Variants in FER observed in about 807,000 individuals in gnomAD.
FER encodes the protein tyrosine-protein kinase Fer.
Under a neutral mutation model 111.0 loss-of-function variants are expected in FER, and 63 were observed. That is an observed-to-expected ratio of 0.57 (90% CI 0.46 to 0.70). The LOEUF (loss-of-function observed/expected upper bound fraction) is 0.70, where lower values mean the gene tolerates loss of function less well. Ranked by LOEUF, FER falls within the 30% of genes least tolerant of loss-of-function variation. The pLI is 0.00. For synonymous variants in FER, 327 were observed against 313.9 expected, an observed-to-expected ratio of 1.04 and a Z score of -0.44; for missense variants, 914 against 954.0, an observed-to-expected ratio of 0.96 and a Z score of 0.55.
chr5:109,087,565 ATATTTACCTC>A (rs1318389574), intron 16 of FER, among the ~76,000 whole-genome samples: 1 of 151,264 alleles, frequency 6.6e-6, no homozygotes, highest in African/African-American at 2.4e-5. Flanking sequence ...CTATCATTTT[ATATTTACCTC>A]TGCTTGTGTG....
chr5:108,957,002 G>T (rs2149661298), intron 12 of FER, among the ~76,000 whole-genome samples: 1 of 151,646 alleles, frequency 6.6e-6, no homozygotes, highest in Non-Finnish European at 1.5e-5. Flanking sequence ...AGTAATACAA[G>T]ATTTTAGAGG....
At chr5:108,857,926 A>G (rs1182254395) in intron 5 of FER, among the ~76,000 whole-genome samples, 1 of 152,084 alleles carries the variant, frequency 6.6e-6, no homozygotes, top group Non-Finnish European at 1.5e-5. Context: ...CTCATCTTAT[A>G]CTTTTCCTAC....
At chr5:108,834,807 T>G (rs887006845) in intron 4 of FER, among the ~76,000 whole-genome samples, 1 of 152,170 alleles carries the variant, frequency 6.6e-6, no homozygotes, top group African/African-American at 2.4e-5. Flanking sequence ...TCATTTATAT[T>G]TATATTTTTT....
chr5:109,075,898 C>A (rs1431897674), intron 16 of FER, among the ~76,000 whole-genome samples: 2 of 151,922 alleles, frequency 1.3e-5, no homozygotes, highest in Non-Finnish European at 2.9e-5. Flanking sequence ...CTGGGATTCT[C>A]CACATAGGAG....
At chr5:109,100,642 T>C in intron 17 of FER, 123 bp downstream of exon 17, 1 of 1,049,794 alleles carries the variant, frequency 9.5e-7, no homozygotes, top group East Asian at 2.5e-5. Context: ...TTTCTGTATT[T>C]TGTGTGAAAG....
At chr5:109,069,350 A>G (rs1775500124) in intron 16 of FER, among the ~76,000 whole-genome samples, 1 of 152,218 alleles carries the variant, frequency 6.6e-6, no homozygotes, top group Non-Finnish European at 1.5e-5. Context: ...AGATAGGCAA[A>G]TCAAAGTTAG....
intron 3 of FER, among the ~76,000 whole-genome samples, chr5:108,811,679 T>G (rs1168113460): frequency 6.6e-6 from 1 of 152,204 alleles, no homozygotes; most frequent in Admixed American, 6.5e-5. Context: ...CACGATATGC[T>G]GTCTGCAAGC....
intron 17 of FER, 136 bp from the exon 18 acceptor site, chr5:109,180,611 C>T (rs1248210232): frequency 6.4e-6 from 6 of 934,170 alleles, no homozygotes; most frequent in Non-Finnish European, 9.4e-6. Flanking sequence ...AAGATGAGGA[C>T]TGGTAAATCA....
chr5:109,029,786 T>C (rs1385964653), intron 13 of FER, among the ~76,000 whole-genome samples: 1 of 152,216 alleles, frequency 6.6e-6, no homozygotes, highest in Non-Finnish European at 1.5e-5. Flanking sequence ...AGTTTGATTA[T>C]GATGAATCTT....
At chr5:109,047,016 G>A (rs935552058) in intron 15 of FER, 88 bp from the exon 16 acceptor site, 1 of 638,138 alleles carries the variant, frequency 1.6e-6, no homozygotes, top group Non-Finnish European at 2.6e-6. Context: ...TGATTCAAGA[G>A]TATTCTAGTT....
At chr5:109,162,840 G>T (rs1756131506) in intron 17 of FER, among the ~76,000 whole-genome samples, 2 of 151,766 alleles carry the variant, frequency 1.3e-5, no homozygotes, top group Non-Finnish European at 2.9e-5. Context: ...ATCTTAAGGT[G>T]CCTATTTTTT....
intron 17 of FER, among the ~76,000 whole-genome samples, chr5:109,158,637 A>G (rs1441008658): frequency 6.6e-6 from 1 of 152,170 alleles, no homozygotes; most frequent in African/African-American, 2.4e-5. Flanking sequence ...TAGTGGCTCA[A>G]CATTGCCTTC....
intron 13 of FER, among the ~76,000 whole-genome samples, chr5:109,033,227 T>G (rs1180397988): frequency 6.6e-6 from 1 of 152,194 alleles, no homozygotes; most frequent in East Asian, 1.9e-4. Flanking sequence ...TTTTCTGTTT[T>G]TTCTCTATAT....
intron 2 of FER, among the ~76,000 whole-genome samples, chr5:108,769,100 T>TA (rs1205559216): frequency 6.6e-6 from 1 of 152,180 alleles, no homozygotes; most frequent in African/African-American, 2.4e-5. Context: ...GTGCTGGGAT[T>TA]ACAGGCGTGA....
intron 3 of FER, among the ~76,000 whole-genome samples, chr5:108,805,964 A>C (rs1479857874): frequency 2.0e-5 from 3 of 152,172 alleles, no homozygotes; most frequent in Admixed American, 6.5e-5. Flanking sequence ...CACCAAGACA[A>C]TGGCAAAAAT....
In FER at chr5:108,817,356, A is replaced by G. The variant is rs573880142; in HGVS notation, c.208-15414A>G. Among the ~76,000 whole-genome samples the G allele has an allele frequency of 9.9e-4, 150 of 152,196 alleles. 1 individual carries two copies. Among genetic ancestry groups the G allele is most frequent in the Admixed American group, 2.2e-3 (34 of 15,280 alleles). On this transcript the variant is annotated intron_variant, in intron 3 of 19. Transcript: ENST00000281092. The stretch of plus-strand genomic sequence containing the variant: ...ATAAAGACACAGAGACTCCAAAAAC[A>G]TTCTTCTTATGTAATGGGCAAACTC...
chr5:109,129,266 A>C (rs763208267), intron 17 of FER, among the ~76,000 whole-genome samples: 2 of 152,070 alleles, frequency 1.3e-5, no homozygotes, highest in African/African-American at 2.4e-5. Flanking sequence ...GTTCTGTTTG[A>C]ATAATAGTTA....
chr5:108,880,034 A>G (rs1765531931), intron 8 of FER, among the ~76,000 whole-genome samples: 1 of 151,970 alleles, frequency 6.6e-6, no homozygotes, highest in South Asian at 2.1e-4. Context: ...TTATTCTTCT[A>G]AATTCATTTG....
intron 17 of FER, among the ~76,000 whole-genome samples, chr5:109,164,507 T>C (rs1313257155): frequency 6.6e-6 from 1 of 152,212 alleles, no homozygotes; most frequent in Non-Finnish European, 1.5e-5. Flanking sequence ...TATACATTGC[T>C]CCTTTCTGAA....
Sources: allele counts gnomAD v4.1 joint callset (sites outside exome capture counted in the v4.1 genomes callset), GRCh38; gene constraint gnomAD v4.1.1; transcripts MANE v1.5; gene names NCBI Gene and HGNC (gene_info 2026-07-23, HGNC 2026-07-21).